TTC29: variants seen among roughly 807,000 people sequenced by gnomAD.
TTC29 encodes the protein tetratricopeptide repeat protein 29.
Under a neutral mutation model 58.1 loss-of-function variants are expected in TTC29, and 49 were observed. The observed-to-expected ratio is 0.84, with a 90% CI of 0.67 to 1.07. The LOEUF (loss-of-function observed/expected upper bound fraction) is 1.07. Among genes scored for constraint, TTC29 ranks in the 50% least tolerant of loss-of-function variants. The probability of loss-of-function intolerance (pLI) is 0.00; values close to 1 mark genes in which losing one functional copy is unlikely to be tolerated. For missense variants in TTC29, 582 were observed against 555.6 expected, an observed-to-expected ratio of 1.05 and a Z score of -0.48; for synonymous variants, 209 against 196.8, an observed-to-expected ratio of 1.06 and a Z score of -0.52.
chr4:146,708,312 A>ATATATATATATATACATACATG (rs1742147681), intron 11 of TTC29, among the ~76,000 whole-genome samples: 3 of 15,186 alleles, frequency 2.0e-4, no homozygotes, highest in African/African-American at 4.2e-4. Flanking sequence ...GGAAGTTTAT[A>ATATATATATATATACATACATG]TATATATATA....
At chr4:146,707,605 AT>A in intron 11 of TTC29, 54 bp from the exon 12 acceptor site, 5 of 1,326,712 alleles carry the variant, frequency 3.8e-6, no homozygotes, top group Non-Finnish European at 5.3e-6. Context: ...GTTTATAGTT[AT>A]TTTGATCTTG....
At chr4:146,821,293 C>T (rs1342924321) in intron 9 of TTC29, among the ~76,000 whole-genome samples, 2 of 152,070 alleles carry the variant, frequency 1.3e-5, no homozygotes, top group Non-Finnish European at 2.9e-5. Context: ...GGTTGCTCAA[C>T]CCCATGAGTA....
rs182044511 is a variant in TTC29, at chr4:146,710,099, C to A, written c.1331-2548G>T. On this transcript the variant is annotated intron_variant, in intron 11 of 12. Transcript: ENST00000325106. The stretch of plus-strand genomic sequence containing the variant: ...GCAATGAAATGAGCAAAGTAATATA[C>A]AGTCAAGTGTCACTTAACGACAAGA... 1.8e-4 allele frequency among the ~76,000 whole-genome samples: 27 copies of A among 152,242 alleles called. No individual in the cohort carries two copies. The East Asian group carries it at 4.1e-3, about 23-fold the overall frequency.
At chr4:146,939,706 C>A in intron 3 of TTC29, 98 bp downstream of exon 3, 1 of 1,160,216 alleles carries the variant, frequency 8.6e-7, no homozygotes, top group East Asian at 2.6e-5. Context: ...TTTTTCTCTT[C>A]TCTTGAAATG....
intron 7 of TTC29, 31 bp downstream of exon 7, chr4:146,874,685 A>G: frequency 6.5e-7 from 1 of 1,526,996 alleles, no homozygotes; most frequent in South Asian, 1.2e-5. Flanking sequence ...CCATTAAAGA[A>G]AGCAATGTGA....
At chr4:146,925,807 T>C (rs1232810428) in intron 4 of TTC29, among the ~76,000 whole-genome samples, 1 of 152,040 alleles carries the variant, frequency 6.6e-6, no homozygotes. Flanking sequence ...CCAAGGGAGG[T>C]TCTGGATCCA....
At chr4:146,936,987 T>G (rs1735884117) in intron 4 of TTC29, among the ~76,000 whole-genome samples, 1 of 151,992 alleles carries the variant, frequency 6.6e-6, no homozygotes, top group Non-Finnish European at 1.5e-5. Flanking sequence ...TGTTTAGCTA[T>G]TATTCTAAGT....
intron 9 of TTC29, among the ~76,000 whole-genome samples, chr4:146,827,509 T>A (rs1727889302): frequency 6.6e-6 from 1 of 152,224 alleles, no homozygotes; most frequent in South Asian, 2.1e-4. Context: ...GATATGTTTT[T>A]AAAAATAAGT....
intron 11 of TTC29, among the ~76,000 whole-genome samples, chr4:146,744,958 A>G (rs554082940): frequency 3.3e-5 from 5 of 152,246 alleles, no homozygotes; most frequent in Admixed American, 2.6e-4. Context: ...AAATCTGCAA[A>G]TTTATGGAGA....
chr4:146,937,489 G>C, intron 4 of TTC29, 105 bp downstream of exon 4: 2 of 729,340 alleles, frequency 2.7e-6, no homozygotes, highest in African/African-American at 1.9e-5. Context: ...TAAATGCCAT[G>C]TTCCAATGAA....
At chr4:146,784,231 G>A (rs1339816923) in intron 11 of TTC29, among the ~76,000 whole-genome samples, 1 of 151,812 alleles carries the variant, frequency 6.6e-6, no homozygotes, top group Non-Finnish European at 1.5e-5. Flanking sequence ...CATTTTTTGA[G>A]AAGACAAGTG....
At chr4:146,790,085 T>A (rs1422100618) in intron 11 of TTC29, among the ~76,000 whole-genome samples, 1 of 152,148 alleles carries the variant, frequency 6.6e-6, no homozygotes, top group East Asian at 1.9e-4. Flanking sequence ...CTCCTACATA[T>A]ACATGCCTTG....
At chr4:146,920,530 G>A (rs2150302832) in intron 4 of TTC29, among the ~76,000 whole-genome samples, 1 of 151,224 alleles carries the variant, frequency 6.6e-6, no homozygotes, top group South Asian at 2.1e-4. Context: ...TGTAATGGAA[G>A]ATAGTGTAGG....
At chr4:146,917,190 G>C (rs17022106) in intron 4 of TTC29, among the ~76,000 whole-genome samples, 2 of 150,390 alleles carry the variant, frequency 1.3e-5, no homozygotes, top group Non-Finnish European at 3.0e-5. Flanking sequence ...ACTTGGATCA[G>C]AAGAATTTTT....
chr4:146,929,911 T>G (rs976705943), intron 4 of TTC29, among the ~76,000 whole-genome samples: 1 of 151,736 alleles, frequency 6.6e-6, no homozygotes, highest in African/African-American at 2.4e-5. Context: ...GCACTTAAAA[T>G]ATATTGAAAG....
At chr4:146,921,726 ATAAAG>A (rs1449300520) in intron 4 of TTC29, among the ~76,000 whole-genome samples, 1 of 151,258 alleles carries the variant, frequency 6.6e-6, no homozygotes, top group Non-Finnish European at 1.5e-5. Context: ...AAACTTACAG[ATAAAG>A]TAGAGGGAGA....
At chr4:146,723,141 G>A (rs1249997933) in intron 11 of TTC29, among the ~76,000 whole-genome samples, 4 of 152,004 alleles carry the variant, frequency 2.6e-5, no homozygotes, top group Non-Finnish European at 5.9e-5. Context: ...CCAGCTACTC[G>A]GGAGGCTGAA....
chr4:146,938,024 T>C (rs1297018734), intron 3 of TTC29, among the ~76,000 whole-genome samples: 1 of 152,168 alleles, frequency 6.6e-6, no homozygotes, highest in African/African-American at 2.4e-5. Context: ...TATATATTGT[T>C]TGGCACAGAA....
chr4:146,791,532 C>G (rs988569942), intron 11 of TTC29, among the ~76,000 whole-genome samples: 9 of 152,142 alleles, frequency 5.9e-5, no homozygotes, highest in African/African-American at 2.2e-4. Context: ...TGTCTCTCCC[C>G]CTCCTTGGGC....
Sources: allele counts gnomAD v4.1 joint callset (sites outside exome capture counted in the v4.1 genomes callset), GRCh38; gene constraint gnomAD v4.1.1; transcripts MANE v1.5; gene names NCBI Gene and HGNC (gene_info 2026-07-23, HGNC 2026-07-21).